The following CDC34 variants were observed in gnomAD, a reference collection of about 807,000 sequenced individuals.
CDC34 encodes the protein ubiquitin-conjugating enzyme E2 R1.
Under a neutral mutation model 26.8 loss-of-function variants are expected in CDC34, and 18 were observed. The ratio of observed to expected loss-of-function variants is 0.67; its 90% CI spans 0.47 to 1.00. The LOEUF is 1.00. Ranked by LOEUF, CDC34 falls within the 50% of genes least tolerant of loss-of-function variation. The pLI is 0.00. For missense variants in CDC34, 280 were observed against 334.5 expected (o/e 0.84, Z 1.27); for synonymous variants, 178 against 147.5 (o/e 1.21, Z -1.50).
chr19:539,348 C>T (rs1212011772), intron 4 of CDC34, among the ~76,000 whole-genome samples: 28 of 150,146 alleles, frequency 1.9e-4, no homozygotes, highest in Admixed American at 1.9e-3. Context: ...GGCACCGTCA[C>T]CCCCCCAGCC....
chr19:533,431 G>T (rs978879717), intron 1 of CDC34, among the ~76,000 whole-genome samples: 5 of 152,246 alleles, frequency 3.3e-5, no homozygotes, highest in African/African-American at 1.2e-4. Context: ...TCTGCTGGGG[G>T]CGATTCCTGA....
Position 535,940 on chromosome 19 carries a change from C to T in CDC34, c.264+17C>T, listed in dbSNP as rs749678365. 26 of 1,608,160 alleles carry T rather than the reference C, an allele frequency of 1.6e-5. No homozygotes were observed. Among genetic ancestry groups the T allele is most frequent in the Middle Eastern group, 1.6e-4 (1 of 6,074 alleles). Reference sequence around the variant, plus strand: ...ATCTACGAGGTGAGCGCGGCCCCCACGGGCCTCAAGTCCTCATCCTCCGGG... The same window carrying T: ...ATCTACGAGGTGAGCGCGGCCCCCATGGGCCTCAAGTCCTCATCCTCCGGG... On this transcript the variant is annotated intron_variant, in intron 2 of 4. Coordinates refer to ENST00000215574, the MANE Select transcript of CDC34 (RefSeq NM_004359.2).
In CDC34 at chr19:532,072, GC is replaced by G. The variant is rs769066610; in HGVS notation, c.147del (p.Asn50ThrfsTer29). 3 of 1,521,570 alleles carry G rather than the reference GC, an allele frequency of 2.0e-6. No homozygotes were observed. The highest frequency in any genetic ancestry group is 4.8e-5 in the Admixed American group (2 of 41,248). 94.3% of individuals were successfully genotyped at this position (1,521,570 alleles called of 1,614,324 possible). ...ACAACTGGGAGGTGGCCATCTTCGG[GC>G]CCCCCAACACCTACTACGAGGGCGG... The part of the protein sequence containing the change: ...LYNWEVAIFG[P>X]PNTYYEGGYF... On this transcript the variant is annotated frameshift_variant, in exon 1 of 5. Transcript: ENST00000215574. LOFTEE classifies it high-confidence loss of function.
chr19:538,412 G>A (rs1418170117), intron 4 of CDC34, among the ~76,000 whole-genome samples: 2 of 152,224 alleles, frequency 1.3e-5, no homozygotes, highest in African/African-American at 2.4e-5. Flanking sequence ...CTTCTCTTGG[G>A]TGCCTGTGTT....
rs1979511636 is a variant in CDC34 at position 532,028 on chromosome 19, G to C, written c.97G>C (p.Val33Leu). Residue 33 changes from valine to leucine, a missense_variant, in exon 1 of 5, where the codon GTG becomes CTG. By Grantham distance (32) the Val-to-Leu change is conservative. Coordinates refer to ENST00000215574, the MANE Select transcript of CDC34 (RefSeq NM_004359.2). The part of the protein sequence containing the change: ...EPVEGFRVTL[V>L]DEGDLYNWEV... Reference sequence around the variant, plus strand: ...GGTCGAGGGATTCCGCGTGACACTGGTGGACGAGGGCGATCTATACAACTG... The same window carrying C: ...GGTCGAGGGATTCCGCGTGACACTGCTGGACGAGGGCGATCTATACAACTG... The C allele has an allele frequency of 6.6e-7, 1 of 1,518,210 alleles. No individual in the cohort carries two copies. The allele number at this position is 1,518,210 out of a possible 1,614,324, so 94.0% of individuals were successfully genotyped here. A position where few individuals can be genotyped will look rare whatever the true frequency, so the allele number is the denominator to read the frequency against.
At position 537,000 on chromosome 19, in the gene CDC34, A is replaced by C; in HGVS notation, c.363-13A>C. 3 of 1,612,936 alleles carry C rather than the reference A, an allele frequency of 1.9e-6. No homozygotes were observed. Among genetic ancestry groups the C allele is most frequent in the Non-Finnish European group, 2.5e-6 (3 of 1,179,756 alleles). ...GCCCCGGGCCGCCCCACTCCGACCC[A>C]CTCTCCCCACAGGACCATTCTCCTG... On this transcript the variant is annotated splice_polypyrimidine_tract_variant and intron_variant, in intron 3 of 4. Coordinates refer to ENST00000215574, the MANE Select transcript of CDC34 (RefSeq NM_004359.2).
chr19:537,051 C>T lies in CDC34; in HGVS notation c.401C>T (p.Pro134Leu). The T allele has an allele frequency of 6.2e-7, 1 of 1,613,918 alleles. No individual in the cohort carries two copies. Among genetic ancestry groups the T allele is most frequent in the Non-Finnish European group, 8.5e-7 (1 of 1,180,016 alleles). Residue 134 changes from proline (P) to leucine (L), a missense_variant, in exon 4 of 5, where the codon CCC becomes CTC. Pro to Leu is a moderately conservative substitution (Grantham distance 98). Transcript: ENST00000215574. The stretch of plus-strand genomic sequence containing the variant: ...AGTGTGATCTCCCTCCTGAACGAGC[C>T]CAACACCTTCTCGCCCGCAAACGTG... The part of the protein sequence containing the change: ...LLSVISLLNE[P>L]NTFSPANVDA...
In CDC34 at chr19:535,882, T is replaced by C; in HGVS notation, c.223T>C (p.Phe75Leu). 1 of 1,613,952 alleles carries C rather than the reference T, an allele frequency of 6.2e-7. No homozygotes were observed. Among genetic ancestry groups the C allele is most frequent in the Non-Finnish European group, 8.5e-7 (1 of 1,179,982 alleles). The change falls in exon 2 of 5, where the codon TTT (phenylalanine) becomes CTT (leucine). Residue 75 changes from phenylalanine (F) to leucine (L), a missense_variant. By Grantham distance (22) the Phe-to-Leu change is conservative. Coordinates refer to ENST00000215574, the MANE Select transcript of CDC34 (RefSeq NM_004359.2). The stretch of plus-strand genomic sequence containing the variant: ...CGACTACCCATACTCTCCACCAGCC[T>C]TTCGGTTCCTGACCAAGATGTGGCA... ...PIDYPYSPPA[F>L]RFLTKMWHPN...
At chr19:532,897 C>T (rs1979562420) in intron 1 of CDC34, among the ~76,000 whole-genome samples, 2 of 152,230 alleles carry the variant, frequency 1.3e-5, no homozygotes, top group South Asian at 4.1e-4. Context: ...TCCGGGCTCG[C>T]TCATCCCAGC....
intron 1 of CDC34, among the ~76,000 whole-genome samples, chr19:534,365 AAAG>A (rs1979628829): frequency 7.5e-6 from 1 of 134,016 alleles, no homozygotes; most frequent in East Asian, 2.3e-4. Flanking sequence ...CAAGACCCCC[AAAG>A]TGCCCTGCCT....
chr19:536,008 C>G, intron 2 of CDC34, 85 bp downstream of exon 2: 3 of 1,358,692 alleles, frequency 2.2e-6, no homozygotes, highest in Admixed American at 1.7e-5. Context: ...CTTCCGGGAC[C>G]CGGGGCGCTG....
chr19:535,199 C>T (rs1003403413), intron 1 of CDC34, among the ~76,000 whole-genome samples: 29 of 152,224 alleles, frequency 1.9e-4, no homozygotes, highest in African/African-American at 6.8e-4. Context: ...TGGGTGACCA[C>T]AGGGGGCGAT....
chr19:538,859 G>C (rs1206374268), intron 4 of CDC34: 1 of 985,262 alleles, frequency 1.0e-6, no homozygotes, highest in African/African-American at 1.7e-5. Context: ...GAGGTCACAG[G>C]GTAGCTGCCC....
intron 1 of CDC34, among the ~76,000 whole-genome samples, chr19:534,221 A>G (rs1024444785): frequency 6.6e-6 from 1 of 152,092 alleles, no homozygotes; most frequent in African/African-American, 2.4e-5. Context: ...CTGAGACTGA[A>G]GTTCCAGCCT....
intron 1 of CDC34, among the ~76,000 whole-genome samples, chr19:535,329 G>A (rs1430336037): frequency 6.6e-6 from 1 of 152,258 alleles, no homozygotes; most frequent in Non-Finnish European, 1.5e-5. Context: ...CACGGCCTGG[G>A]CCAGGGCAGG....
chr19:531,793 CGGCGGCGGCGCAGAGGAGGAGGCA>C lies in CDC34; in HGVS notation c.-129_-106del. 2 of 263,930 alleles carry C rather than the reference CGGCGGCGGCGCAGAGGAGGAGGCA, an allele frequency of 7.6e-6. No homozygotes were observed. Among genetic ancestry groups the C allele is most frequent in the Non-Finnish European group, 1.2e-5 (2 of 167,054 alleles). 16.3% of individuals were successfully genotyped at this position (263,930 alleles called of 1,614,324 possible). A position where few individuals can be genotyped will look rare whatever the true frequency, so the allele number is the denominator to read the frequency against. Reference sequence around the variant, plus strand: ...TGGAGCGCTCGGGGTCCCCGGGCGGCGGCGGCGGCGCAGAGGAGGAGGCAGGCGGCGGCCCCGGTGGCTCCCCCC... The same window carrying C: ...TGGAGCGCTCGGGGTCCCCGGGCGGCGGCGGCGGCCCCGGTGGCTCCCCCC... On this transcript the variant is annotated 5_prime_UTR_variant, in exon 1 of 5. Coordinates refer to ENST00000215574, the MANE Select transcript of CDC34 (RefSeq NM_004359.2).
chr19:539,258 C>T (rs985618808), intron 4 of CDC34, among the ~76,000 whole-genome samples: 1 of 152,084 alleles, frequency 6.6e-6, no homozygotes, highest in Admixed American at 6.5e-5. Context: ...CCGGCGGCAC[C>T]TCCACGGTGC....
intron 4 of CDC34, 51 bp downstream of exon 4, chr19:537,198 A>C: frequency 6.3e-7 from 1 of 1,596,586 alleles, no homozygotes. Flanking sequence ...TCCGGCCTGC[A>C]CCCCGGCCCC....
At position 541,646 on chromosome 19, in the gene CDC34, C is replaced by G; in HGVS notation, c.*94C>G. ...TACCTCACGGAGGTTTTGTGCTGGT[C>G]CCCGTCTCCTCTGGTTGTTTCGTTT... On this transcript the variant is annotated 3_prime_UTR_variant, in exon 5 of 5. Transcript: ENST00000215574. 1 of 1,361,286 alleles carries G rather than the reference C, an allele frequency of 7.3e-7. No homozygotes were observed. Among genetic ancestry groups the G allele is most frequent in the Non-Finnish European group, 9.8e-7 (1 of 1,018,372 alleles). 84.3% of individuals were successfully genotyped at this position (1,361,286 alleles called of 1,614,324 possible).
Sources: gnomAD v4.1 joint callset for allele counts (sites outside exome capture counted in the v4.1 genomes callset) on GRCh38, gnomAD v4.1.1 for gene constraint, MANE v1.5 for transcripts, NCBI Gene and HGNC (gene_info 2026-07-23, HGNC 2026-07-21) for gene names.